ZC2HC1A: variants seen among roughly 807,000 people sequenced by gnomAD.
ZC2HC1A encodes the protein zinc finger C2HC domain-containing protein 1A.
ZC2HC1A carries 28 observed loss-of-function variants against 40.7 expected under a neutral mutation model. That is an observed-to-expected ratio of 0.69 (90% confidence interval 0.51 to 0.94). The LOEUF (loss-of-function observed/expected upper bound fraction) is 0.94. ZC2HC1A is among the 40% of genes least tolerant of loss of function. ZC2HC1A has a pLI of 0.00. For synonymous variants in ZC2HC1A, 129 were observed against 129.2 expected, an observed-to-expected ratio of 1.00 and a Z score of 0.01; for missense variants, 389 against 386.3, an observed-to-expected ratio of 1.01 and a Z score of -0.06.
intron 7 of ZC2HC1A, among the ~76,000 whole-genome samples, chr8:78,714,181 C>G (rs1394964703): frequency 6.6e-6 from 1 of 152,128 alleles, no homozygotes; most frequent in Non-Finnish European, 1.5e-5. Context: ...CAATGAACAT[C>G]TAAATCCTAG....
intron 1 of ZC2HC1A, among the ~76,000 whole-genome samples, chr8:78,672,566 A>G (rs1809466770): frequency 6.6e-6 from 1 of 152,158 alleles, no homozygotes; most frequent in African/African-American, 2.4e-5. Context: ...CTTGGAGATT[A>G]ATAAGATAAA....
At chr8:78,693,451 G>C (rs1179683991) in intron 5 of ZC2HC1A, among the ~76,000 whole-genome samples, 2 of 152,176 alleles carry the variant, frequency 1.3e-5, no homozygotes, top group Non-Finnish European at 2.9e-5. Flanking sequence ...GTATCTCATT[G>C]TGGTTTTGAT....
At chr8:78,692,873 C>A (rs1385063068) in intron 5 of ZC2HC1A, among the ~76,000 whole-genome samples, 1 of 151,902 alleles carries the variant, frequency 6.6e-6, no homozygotes, top group Non-Finnish European at 1.5e-5. Flanking sequence ...TAATGCTATC[C>A]CTCCCCACTC....
intron 5 of ZC2HC1A, among the ~76,000 whole-genome samples, chr8:78,695,490 T>A: frequency 6.6e-6 from 1 of 152,210 alleles, no homozygotes; most frequent in East Asian, 1.9e-4. Context: ...CATTTTGCTC[T>A]TTTTTGATTG....
chr8:78,698,717 C>A (rs181709050), intron 7 of ZC2HC1A, among the ~76,000 whole-genome samples: 1 of 152,072 alleles, frequency 6.6e-6, no homozygotes, highest in African/African-American at 2.4e-5. Context: ...GTATTAAAAG[C>A]CTTAGAAATC....
At chr8:78,686,641 G>T in intron 4 of ZC2HC1A, 33 bp downstream of exon 4, 2 of 1,431,698 alleles carry the variant, frequency 1.4e-6, no homozygotes, top group Non-Finnish European at 9.2e-7. Context: ...AAATGTTCAT[G>T]TGGAAAGAAA....
chr8:78,710,722 T>C (rs1224959268), intron 7 of ZC2HC1A, among the ~76,000 whole-genome samples: 1 of 152,080 alleles, frequency 6.6e-6, no homozygotes, highest in East Asian at 1.9e-4. Context: ...TGGGTTTCTT[T>C]GTACTTTAAC....
chr8:78,691,494 G>GTATTTTT, intron 5 of ZC2HC1A, among the ~76,000 whole-genome samples: 1 of 151,726 alleles, frequency 6.6e-6, no homozygotes, highest in East Asian at 1.9e-4. Context: ...TGCTATAATT[G>GTATTTTT]GTTTTTGTAT....
chr8:78,689,084 G>T (rs1214489790), intron 4 of ZC2HC1A, 138 bp from the exon 5 acceptor site: 7 of 494,292 alleles, frequency 1.4e-5, no homozygotes, highest in Non-Finnish European at 2.2e-5. Flanking sequence ...AAACTGGGTA[G>T]TTATAAGGAT....
At chr8:78,717,051 G>T (rs1811128748) in intron 8 of ZC2HC1A, among the ~76,000 whole-genome samples, 1 of 152,032 alleles carries the variant, frequency 6.6e-6, no homozygotes, top group African/African-American at 2.4e-5. Context: ...CCCAGTCTCA[G>T]GTAGTTCTTT....
intron 3 of ZC2HC1A, among the ~76,000 whole-genome samples, chr8:78,683,532 T>C (rs1809857852): frequency 6.6e-6 from 1 of 152,144 alleles, no homozygotes; most frequent in Non-Finnish European, 1.5e-5. Flanking sequence ...ACCAAATCCC[T>C]ACGCTGCACA....
intron 3 of ZC2HC1A, 122 bp from the exon 4 acceptor site, chr8:78,686,345 C>T: frequency 1.2e-6 from 1 of 824,248 alleles, no homozygotes; most frequent in Non-Finnish European, 1.6e-6. Context: ...AGAAGGATAT[C>T]ATTTAAGGAC....
intron 1 of ZC2HC1A, among the ~76,000 whole-genome samples, chr8:78,670,730 G>T (rs1809418054): frequency 6.6e-6 from 1 of 152,152 alleles, no homozygotes; most frequent in African/African-American, 2.4e-5. Flanking sequence ...GGTTAAAGAG[G>T]AAACTTGAGT....
intron 2 of ZC2HC1A, among the ~76,000 whole-genome samples, chr8:78,677,648 CTT>C (rs76888359): frequency 6.8e-6 from 1 of 147,978 alleles, no homozygotes; most frequent in East Asian, 2.0e-4. Context: ...TTAGTGGAGA[CTT>C]TTTTTTTTGC....
intron 1 of ZC2HC1A, among the ~76,000 whole-genome samples, chr8:78,672,695 G>A (rs186860760): frequency 6.6e-6 from 1 of 152,004 alleles, no homozygotes; most frequent in Non-Finnish European, 1.5e-5. Context: ...TAATCAGCTT[G>A]GTTATCCTTA....
At chr8:78,699,971 G>GAATATATA (rs1810548731) in intron 7 of ZC2HC1A, among the ~76,000 whole-genome samples, 1 of 152,020 alleles carries the variant, frequency 6.6e-6, no homozygotes, top group East Asian at 1.9e-4. Context: ...ATTCTTCTGG[G>GAATATATA]TATATACTCA....
At chr8:78,690,490 G>T (rs1441438477) in intron 5 of ZC2HC1A, among the ~76,000 whole-genome samples, 2 of 151,600 alleles carry the variant, frequency 1.3e-5, no homozygotes, top group African/African-American at 2.4e-5. Context: ...AACCTGGGAG[G>T]AGGAGCTTGC....
At chr8:78,695,133 C>T (rs940207458) in intron 5 of ZC2HC1A, among the ~76,000 whole-genome samples, 6 of 151,978 alleles carry the variant, frequency 3.9e-5, no homozygotes, top group African/African-American at 9.7e-5. Flanking sequence ...AAGCAGTTTT[C>T]GGAAAGGAAA....
intron 7 of ZC2HC1A, chr8:78,712,094 T>A (rs1310730665): frequency 7.8e-6 from 10 of 1,286,890 alleles, no homozygotes; most frequent in Middle Eastern, 2.1e-4. Flanking sequence ...CATGAGTTAT[T>A]ACCTATTTAC....
Sources: gnomAD v4.1 joint callset for allele counts (sites outside exome capture counted in the v4.1 genomes callset) on GRCh38, gnomAD v4.1.1 for gene constraint, MANE v1.5 for transcripts, NCBI Gene and HGNC (gene_info 2026-07-23, HGNC 2026-07-21) for gene names.